The following SH3D21 variants were observed in gnomAD, a reference collection of about 807,000 sequenced individuals.
SH3D21 encodes the protein SH3 domain-containing protein 21.
SH3D21 carries 83 observed loss-of-function variants against 82.1 expected under a neutral mutation model. That is an observed-to-expected ratio of 1.01 (90% CI 0.85 to 1.21). SH3D21 has a LOEUF of 1.21. Ranked by LOEUF, SH3D21 falls within the 50% of genes most tolerant of loss-of-function variation. The pLI is 0.00. For missense variants in SH3D21, 980 were observed against 962.1 expected (o/e 1.02, Z -0.25); for synonymous variants, 383 against 387.8 (o/e 0.99, Z 0.15).
Position 36,309,632 on chromosome 1 carries a change from G to A in SH3D21, c.769+42G>A, listed in dbSNP as rs1203526105. On this transcript the variant is annotated intron_variant, in intron 10 of 15. Coordinates refer to ENST00000453908, the MANE Select transcript of SH3D21 (RefSeq NM_001162530.2). The stretch of plus-strand genomic sequence containing the variant: ...CCTGGGATTGGGGGGTGTTCTCTGG[G>A]AGACCCACCAGTCCAGTTGCTTATA... 7.1e-6 allele frequency: 11 copies of A among 1,549,534 alleles called. No individual in the cohort carries two copies. The East Asian group carries it at 2.7e-4, about 38-fold the overall frequency.
At position 36,306,940 on chromosome 1, in the gene SH3D21, G is replaced by C. The variant is rs772038214; in HGVS notation, c.226+35G>C. 21 of 1,337,744 alleles carry C rather than the reference G, an allele frequency of 1.6e-5. No homozygotes were observed. In the Admixed American group the frequency reaches 5.5e-4, roughly 35 times the overall value. 82.9% of individuals were successfully genotyped at this position (1,337,744 alleles called of 1,614,324 possible). A position where few individuals can be genotyped will look rare whatever the true frequency, so the allele number is the denominator to read the frequency against. ...AGGGCGGGGACGGGCGCCGGTGGGC[G>C]GGTGCACGGAGCCAGTGCGACCCCG... On this transcript the variant is annotated intron_variant, in intron 3 of 15. Coordinates refer to ENST00000453908, the MANE Select transcript of SH3D21 (RefSeq NM_001162530.2). This position sits in a 1 kb window ranked among gnomAD's most constrained non-coding sequence, Gnocchi z 4.5.
chr1:36,308,269 G>A (rs1315258354), intron 8 of SH3D21, 60 bp downstream of exon 8: 2 of 1,463,114 alleles, frequency 1.4e-6, no homozygotes, highest in African/African-American at 1.4e-5. Flanking sequence ...GGGTAGACCT[G>A]CACATGTACC....
At chr1:36,324,300 AGCTTGTGGCG>A (rs1646518373), downstream of SH3D21, 1 of 152,266 alleles carries the variant, frequency 6.6e-6, no homozygotes, top group Admixed American at 6.5e-5. Flanking sequence ...TGCACCAAGC[AGCTTGTGGCG>A]GCTTGTGGCA....
downstream of SH3D21, chr1:36,322,484 C>T: frequency 6.2e-7 from 1 of 1,604,090 alleles, no homozygotes; most frequent in South Asian, 1.1e-5. Flanking sequence ...GCCCGTCCGG[C>T]TCTGCGGACA....
chr1:36,307,302 T>C lies in SH3D21; in HGVS notation c.345+17T>C, dbSNP rs1646147762. On this transcript the variant is annotated intron_variant, in intron 4 of 15. Transcript: ENST00000453908. This position sits in a 1 kb window ranked among gnomAD's most constrained non-coding sequence, Gnocchi z 5.4. ...ATAAAGGAGGTGAGGGGTGAGGTGA[T>C]GGGACCGTTTGGGGGAGGATGATGG... The C allele has an allele frequency of 1.3e-6, 2 of 1,551,380 alleles. No individual in the cohort carries two copies. Among genetic ancestry groups the C allele is most frequent in the Admixed American group, 2.0e-5 (1 of 50,956 alleles).
At position 36,320,194 on chromosome 1, in the gene SH3D21, G is replaced by T; in HGVS notation, c.1531G>T (p.Ala511Ser). The change falls in exon 14 of 16, where the codon GCC becomes TCC. Residue 511 changes from alanine to serine, a missense_variant. Physicochemically the swap from Ala to Ser is moderately conservative, Grantham distance 99. Coordinates refer to ENST00000453908, the MANE Select transcript of SH3D21 (RefSeq NM_001162530.2). ...IQFHHFSSEE[A>S]LQKVKYFVAK... ...ATTCCATCACTTCTCTTCGGAGGAA[G>T]CCCTGCAGAAGGTCAAGTACTTTGT... 6.2e-7 allele frequency: 1 copy of T among 1,613,454 alleles called. No individual in the cohort carries two copies. Among genetic ancestry groups the T allele is most frequent in the South Asian group, 1.1e-5 (1 of 91,088 alleles).
Position 36,306,644 on chromosome 1 carries a change from G to C in SH3D21, c.51G>C (p.Leu17=). ...ACCGCGCGCAGAAGGAGGACGAGCT[G>C]AGTCTGGCGCCCGGGGACGTGGTCC... ...AGYRAQKEDE[L]SLAPGDVVRQ... The change falls in exon 2 of 16, where the codon CTG becomes CTC. Residue 17 remains leucine (L), a synonymous_variant. Coordinates refer to ENST00000453908, the MANE Select transcript of SH3D21 (RefSeq NM_001162530.2). The surrounding 1 kb of genome is among the most constrained non-coding windows in gnomAD (Gnocchi z 4.5). The C allele has an allele frequency of 7.7e-7, 1 of 1,301,800 alleles. No individual in the cohort carries two copies. The highest frequency in any genetic ancestry group is 1.5e-5 in the African/African-American group (1 of 65,876). The allele number at this position is 1,301,800 out of a possible 1,614,324, so 80.6% of individuals were successfully genotyped here. A position where few individuals can be genotyped will look rare whatever the true frequency, so the allele number is the denominator to read the frequency against.
chr1:36,319,560 AGT>A (rs1413093041), intron 13 of SH3D21, 24 bp downstream of exon 13: 2 of 1,551,528 alleles, frequency 1.3e-6, no homozygotes, highest in Admixed American at 2.0e-5. Flanking sequence ...GACATGGGAG[AGT>A]GGGGATGCTG....
At chr1:36,309,920 C>G (rs1646204572) in intron 10 of SH3D21, among the ~76,000 whole-genome samples, 1 of 152,056 alleles carries the variant, frequency 6.6e-6, no homozygotes, top group Non-Finnish European at 1.5e-5. Flanking sequence ...GTGAATAGCT[C>G]TCTGTGTGTC....
At chr1:36,317,839 C>T (rs1489103861) in intron 10 of SH3D21, among the ~76,000 whole-genome samples, 1 of 152,238 alleles carries the variant, frequency 6.6e-6, no homozygotes, top group Non-Finnish European at 1.5e-5. Context: ...GCCGGGATTA[C>T]AGGTGTGGGC....
rs774669190 is a variant in SH3D21 at position 36,320,474 on chromosome 1, C to T, written c.1811C>T (p.Ala604Val). The T allele has an allele frequency of 1.9e-5, 31 of 1,613,438 alleles. No individual in the cohort carries two copies. Among genetic ancestry groups the T allele is most frequent in the African/African-American group, 2.7e-5 (2 of 74,850 alleles). Residue 604 changes from alanine (A) to valine (V), a missense_variant, in exon 14 of 16, where the codon GCG becomes GTG. Coordinates refer to ENST00000453908, the MANE Select transcript of SH3D21 (RefSeq NM_001162530.2). ...SNDERTPEEE[A>V]PPNEQRPLRE... ...GACGAGAGGACCCCTGAAGAGGAGG[C>T]GCCCCCCAACGAGCAGAGGCCTCTG...
Position 36,307,098 on chromosome 1 carries a change from C to T in SH3D21, c.227-69C>T, listed in dbSNP as rs1179361247. On this transcript the variant is annotated intron_variant, in intron 3 of 15. Coordinates refer to ENST00000453908, the MANE Select transcript of SH3D21 (RefSeq NM_001162530.2). This position sits in a 1 kb window ranked among gnomAD's most constrained non-coding sequence, Gnocchi z 5.4. Reference sequence around the variant, plus strand: ...GAGGGACCAAAGGCTACGTGCGCGCCTTGCGCTTCCCCCAGCTCCTCTGAC... The same window carrying T: ...GAGGGACCAAAGGCTACGTGCGCGCTTTGCGCTTCCCCCAGCTCCTCTGAC... The T allele has an allele frequency of 1.3e-6, 2 of 1,542,202 alleles. No individual in the cohort carries two copies. The highest frequency in any genetic ancestry group is 1.2e-5 in the South Asian group (1 of 82,602).
chr1:36,319,730 C>G lies in SH3D21; in HGVS notation c.1067C>G (p.Pro356Arg), dbSNP rs145513250. ...CCCTCTGTGAAGAGAACCCCCATGC[C>G]GGACAAGACTGCCACCCCAGAGAGG... ...KAPSVKRTPM[P>R]DKTATPERPP... The change falls in exon 14 of 16, where the codon CCG becomes CGG. Residue 356 changes from proline (P) to arginine (R), a missense_variant. Coordinates refer to ENST00000453908, the MANE Select transcript of SH3D21 (RefSeq NM_001162530.2). The G allele has an allele frequency of 4.4e-6, 7 of 1,596,698 alleles. No homozygotes were observed. Among genetic ancestry groups the G allele is most frequent in the Non-Finnish European group, 5.1e-6 (6 of 1,173,246 alleles).
chr1:36,307,322 T>G lies in SH3D21; in HGVS notation c.345+37T>G. ...GGTGATGGGACCGTTTGGGGGAGGA[T>G]GATGGAACGCGCCTCCCTAGTGAGC... On this transcript the variant is annotated intron_variant, in intron 4 of 15. Coordinates refer to ENST00000453908, the MANE Select transcript of SH3D21 (RefSeq NM_001162530.2). This position sits in a 1 kb window ranked among gnomAD's most constrained non-coding sequence, Gnocchi z 5.4. 6.5e-7 allele frequency: 1 copy of G among 1,548,400 alleles called. No homozygotes were observed. The highest frequency in any genetic ancestry group is 2.4e-5 in the East Asian group (1 of 40,826).
downstream of SH3D21, chr1:36,323,079 G>A (rs1463649793): frequency 2.5e-6 from 4 of 1,586,970 alleles, no homozygotes; most frequent in Non-Finnish European, 3.4e-6. Context: ...TGCGAGGTCA[G>A]CAAAGTCAGA....
At chr1:36,329,571 G>A (rs1264399030), downstream of SH3D21, among the ~76,000 whole-genome samples, 2 of 152,146 alleles carry the variant, frequency 1.3e-5, no homozygotes, top group African/African-American at 2.4e-5. Flanking sequence ...GTGATGACCA[G>A]TCCCCTCATC....
chr1:36,319,737 G>C lies in SH3D21; in HGVS notation c.1074G>C (p.Lys358Asn), dbSNP rs1420618784. 1 of 1,598,686 alleles carries C rather than the reference G, an allele frequency of 6.3e-7. No homozygotes were observed. The highest frequency in any genetic ancestry group is 8.5e-7 in the Non-Finnish European group (1 of 1,174,096). The change falls in exon 14 of 16, where the codon AAG (lysine) becomes AAC (asparagine). Residue 358 changes from lysine to asparagine, a missense_variant. Lys to Asn is a moderately conservative substitution (Grantham distance 94). Coordinates refer to ENST00000453908, the MANE Select transcript of SH3D21 (RefSeq NM_001162530.2). ...PSVKRTPMPDKTATPERPPAP... is the reference protein window; with the variant it reads ...PSVKRTPMPDNTATPERPPAP... ...TGAAGAGAACCCCCATGCCGGACAAGACTGCCACCCCAGAGAGGCCCCCAG... is the reference window on the plus strand; with the variant it reads ...TGAAGAGAACCCCCATGCCGGACAACACTGCCACCCCAGAGAGGCCCCCAG...
chr1:36,315,412 T>C (rs1479507827), intron 10 of SH3D21, among the ~76,000 whole-genome samples: 2 of 152,020 alleles, frequency 1.3e-5, no homozygotes, highest in Non-Finnish European at 2.9e-5. Flanking sequence ...TGTAATGGCA[T>C]GATCTCAGCT....
At chr1:36,318,912 A>G (rs1273741644) in intron 10 of SH3D21, among the ~76,000 whole-genome samples, 159 bp from the exon 11 acceptor site, 3 of 143,278 alleles carry the variant, frequency 2.1e-5, no homozygotes, top group Non-Finnish European at 4.5e-5. Context: ...AATAATAATA[A>G]TAATAATAAT....
Sources: gnomAD v4.1 joint callset for allele counts (sites outside exome capture counted in the v4.1 genomes callset) on GRCh38, gnomAD v4.1.1 for gene constraint, Gnocchi (gnomAD v3.1) non-coding constraint, MANE v1.5 for transcripts, NCBI Gene and HGNC (gene_info 2026-07-23, HGNC 2026-07-21) for gene names.